BUB1: variants seen among roughly 807,000 people sequenced by gnomAD.
The protein encoded by BUB1 is mitotic checkpoint serine/threonine-protein kinase BUB1.
A neutral mutation model predicts 135.2 loss-of-function variants in BUB1; 84 were observed. The ratio of observed to expected loss-of-function variants is 0.62; its 90% CI spans 0.52 to 0.74. BUB1 has a LOEUF of 0.74. Among genes scored for constraint, BUB1 ranks in the 30% least tolerant of loss-of-function variants. The probability of loss-of-function intolerance (pLI) is 0.00; values close to 1 mark genes in which losing one functional copy is unlikely to be tolerated. For synonymous variants in BUB1, 403 were observed against 434.4 expected (o/e 0.93, Z 0.90); for missense variants, 1,162 against 1,288.3 (o/e 0.90, Z 1.50).
intron 20 of BUB1, 30 bp from the exon 21 acceptor site, chr2:110,641,833 CA>C (rs1689514059): frequency 1.3e-6 from 2 of 1,592,046 alleles, no homozygotes; most frequent in African/African-American, 2.7e-5. Context: ...AATTCATATC[CA>C]ATCTCGTATT....
At position 110,638,166 on chromosome 2, in the gene BUB1, A is replaced by G. The variant is rs1372263228; in HGVS notation, c.3063-7T>C. Reference sequence around the variant, plus strand: ...CATATCCAAATGAGGAAGCCTGAAAAAGACAAAGCATAAATAATGGCTAAA... The same window carrying G: ...CATATCCAAATGAGGAAGCCTGAAAGAGACAAAGCATAAATAATGGCTAAA... On this transcript the variant is annotated splice_region_variant and splice_polypyrimidine_tract_variant and intron_variant, in intron 24 of 24. Transcript: ENST00000302759. The G allele has an allele frequency of 8.9e-6, 14 of 1,581,608 alleles. No homozygotes were observed. The highest frequency in any genetic ancestry group is 3.5e-5 in the South Asian group (3 of 85,656).
At chr2:110,675,393 C>T (rs988445352) in intron 1 of BUB1, 1 of 152,186 alleles carries the variant, frequency 6.6e-6, no homozygotes, top group Non-Finnish European at 1.5e-5. Flanking sequence ...CAGACAGCCA[C>T]GTAGCTATCT....
At chr2:110,642,269 G>A (rs752775900) in intron 19 of BUB1, 35 bp from the exon 20 acceptor site, 21 of 1,372,924 alleles carry the variant, frequency 1.5e-5, no homozygotes, top group African/African-American at 1.5e-4. Context: ...ATTTATGTAC[G>A]CCTTTTATTT....
Position 110,664,891 on chromosome 2 carries a change from T to A in BUB1, c.957+1372A>T, listed in dbSNP as rs913374281. Among the ~76,000 whole-genome samples, 6 of 152,312 alleles carry A rather than the reference T, an allele frequency of 3.9e-5. No individual in the cohort carries two copies. In the South Asian group the frequency reaches 1.2e-3, roughly 32 times the overall value. On this transcript the variant is annotated intron_variant, in intron 9 of 24. Transcript: ENST00000302759. ...CAAATCTACCTATAATTAAAGAAAC[T>A]ACATCAGGTGCTTGAAAAGATTTAG...
chr2:110,642,035 A>G (rs1039598735), intron 20 of BUB1, 84 bp downstream of exon 20: 1 of 1,116,854 alleles, frequency 9.0e-7, no homozygotes. Context: ...AAACACCACT[A>G]TCTTAAAGAA....
intron 6 of BUB1, among the ~76,000 whole-genome samples, chr2:110,668,622 T>C (rs192447385): frequency 6.6e-6 from 1 of 152,064 alleles, no homozygotes; most frequent in Non-Finnish European, 1.5e-5. Context: ...TTGGGAAACA[T>C]GAGGCTGAGG....
chr2:110,671,651 T>C (rs1217693684), intron 4 of BUB1, among the ~76,000 whole-genome samples: 1 of 152,174 alleles, frequency 6.6e-6, no homozygotes, highest in Non-Finnish European at 1.5e-5. Flanking sequence ...CATATACTCT[T>C]TGACTCAATA....
At chr2:110,645,441 CAAAA>C (rs764953204) in intron 19 of BUB1, among the ~76,000 whole-genome samples, 31 of 108,212 alleles carry the variant, frequency 2.9e-4, no homozygotes, top group African/African-American at 9.8e-4. Flanking sequence ...GACTCCTTCT[CAAAA>C]AAAAAAAAAA....
intron 16 of BUB1, among the ~76,000 whole-genome samples, chr2:110,654,171 C>A (rs1266823233): frequency 6.6e-6 from 1 of 152,054 alleles, no homozygotes; most frequent in Non-Finnish European, 1.5e-5. Context: ...TCAGGAGAAC[C>A]TGAAGACAAG....
intron 23 of BUB1, 110 bp downstream of exon 23, chr2:110,640,924 C>T: frequency 8.8e-7 from 1 of 1,134,650 alleles, no homozygotes; most frequent in Non-Finnish European, 1.2e-6. Context: ...TCTCCTTCAA[C>T]TGCTCCTCAA....
At chr2:110,643,573 GA>G (rs1263579412) in intron 19 of BUB1, among the ~76,000 whole-genome samples, 2 of 152,276 alleles carry the variant, frequency 1.3e-5, no homozygotes, top group Admixed American at 1.3e-4. Flanking sequence ...ACAGCCTGAA[GA>G]GCCAGAGTAA....
Position 110,661,610 on chromosome 2 carries a change from T to A in BUB1, c.1189A>T (p.Met397Leu). ...GCATCTTTGCTGGCCACTGCAAACATGGAGTCTGTTACTGTCTGGGCTTTC... is the reference window on the plus strand; with the variant it reads ...GCATCTTTGCTGGCCACTGCAAACAAGGAGTCTGTTACTGTCTGGGCTTTC... ...PLKAQTVTDS[M>L]FAVASKDAGC... The change falls in exon 10 of 25, where the codon ATG (methionine) becomes TTG (leucine). Residue 397 changes from methionine to leucine, a missense_variant. Physicochemically the swap from Met to Leu is conservative, Grantham distance 15 (BLOSUM62 2). Transcript: ENST00000302759. The A allele has an allele frequency of 6.2e-7, 1 of 1,614,164 alleles. No homozygotes were observed. The highest frequency in any genetic ancestry group is 8.5e-7 in the Non-Finnish European group (1 of 1,180,016).
chr2:110,638,926 CT>C (rs954149224), intron 24 of BUB1, among the ~76,000 whole-genome samples: 9 of 147,648 alleles, frequency 6.1e-5, no homozygotes, highest in Admixed American at 1.4e-4. Flanking sequence ...TGCCATTTTT[CT>C]TTTTTTTTTG....
chr2:110,640,817 C>T (rs995879216), intron 23 of BUB1, among the ~76,000 whole-genome samples: 5 of 152,182 alleles, frequency 3.3e-5, no homozygotes, highest in African/African-American at 1.2e-4. Flanking sequence ...TATCTGCCCC[C>T]CTTTCCTGAT....
At chr2:110,665,342 C>T (rs1319515034) in intron 9 of BUB1, among the ~76,000 whole-genome samples, 1 of 152,094 alleles carries the variant, frequency 6.6e-6, no homozygotes, top group Non-Finnish European at 1.5e-5. Flanking sequence ...CTTTGGGAGG[C>T]TGAGGCAAGA....
intron 18 of BUB1, 79 bp downstream of exon 18, chr2:110,650,467 T>G (rs949547482): frequency 1.8e-5 from 24 of 1,358,800 alleles, no homozygotes; most frequent in Non-Finnish European, 2.4e-5. Flanking sequence ...CAAGTCCCAC[T>G]GTGGGTTTCT....
At position 110,662,253 on chromosome 2, in the gene BUB1, A is replaced by G. The variant is rs574483303; in HGVS notation, c.958-412T>C. Among the ~76,000 whole-genome samples, 59 of 152,316 alleles carry G rather than the reference A, an allele frequency of 3.9e-4. No individual in the cohort carries two copies. The East Asian group carries it at 0.011, about 28-fold the overall frequency. On this transcript the variant is annotated intron_variant, in intron 9 of 24. Coordinates refer to ENST00000302759, the MANE Select transcript of BUB1 (RefSeq NM_004336.5). ...TGGTATATGAGATAGGGCTTGAAAAAGGGAAAAAAATAAATAAATAAAATA... is the reference window on the plus strand; with the variant it reads ...TGGTATATGAGATAGGGCTTGAAAAGGGGAAAAAAATAAATAAATAAAATA...
rs1288361155 is a variant in BUB1 at position 110,648,242 on chromosome 2, T to C, written c.2347+992A>G. Among the ~76,000 whole-genome samples the C allele has an allele frequency of 6.7e-6, 1 of 150,140 alleles. No homozygotes were observed. Among genetic ancestry groups the C allele is most frequent in the Non-Finnish European group, 1.5e-5 (1 of 67,680 alleles). On this transcript the variant is annotated intron_variant, in intron 19 of 24. Transcript: ENST00000302759. The surrounding 1 kb of genome is among the most constrained non-coding windows in gnomAD (Gnocchi z 4.2). ...AAAAAAAAGCTATCAAATCATGAAA[T>C]GACACAAGGGAACCTTAAATGCATA...
intron 8 of BUB1, 95 bp from the exon 9 acceptor site, chr2:110,666,509 G>A (rs1017067208): frequency 1.2e-5 from 12 of 1,011,348 alleles, no homozygotes; most frequent in African/African-American, 3.4e-5. Context: ...ATTTTAGGGG[G>A]CCGATTTTTT....
Sources: gnomAD v4.1 joint callset for allele counts (sites outside exome capture counted in the v4.1 genomes callset) on GRCh38, gnomAD v4.1.1 for gene constraint, Gnocchi (gnomAD v3.1) non-coding constraint, MANE v1.5 for transcripts, NCBI Gene and HGNC (gene_info 2026-07-23, HGNC 2026-07-21) for gene names.